Variants in MYO5B observed in about 807,000 individuals in gnomAD.
The protein encoded by MYO5B is myosin VB, also known as unconventional myosin-Vb.
In MYO5B, 143 loss-of-function variants were observed where a neutral mutation model predicts 229.3. The observed-to-expected ratio is 0.62, with a 90% CI of 0.54 to 0.72. MYO5B has a LOEUF of 0.72. Ranked by LOEUF, MYO5B falls within the 30% of genes least tolerant of loss-of-function variation. MYO5B has a pLI of 0.00. For synonymous variants in MYO5B, 918 were observed against 885.2 expected (o/e 1.04, Z -0.66); for missense variants, 2,321 against 2,331.0 (o/e 1.00, Z 0.09).
At chr18:50,009,596 G>A (rs1330979252) in intron 4 of MYO5B, among the ~76,000 whole-genome samples, 1 of 152,114 alleles carries the variant, frequency 6.6e-6, no homozygotes, top group Non-Finnish European at 1.5e-5. Context: ...AGTAAGGTTG[G>A]GGAGCAGAGG....
At chr18:50,049,984 C>T (rs2030348584) in intron 2 of MYO5B, among the ~76,000 whole-genome samples, 1 of 152,090 alleles carries the variant, frequency 6.6e-6, no homozygotes, top group African/African-American at 2.4e-5. Context: ...TATTTTACCA[C>T]AATTTTTTTT....
rs1284742961 is a variant in MYO5B at position 49,953,305 on chromosome 18, T to G, written c.1707A>C (p.Arg569Ser). Residue 569 changes from arginine to serine, a missense_variant, in exon 14 of 40, where the codon AGA (arginine) becomes AGC (serine). Around this residue, in one of 2 missense-constraint regions of MYO5B, gnomAD observed 2,113 missense variants for 2,044.7 expected, o/e 1.03. Coordinates refer to ENST00000285039, the MANE Select transcript of MYO5B (RefSeq NM_001080467.3). ...TGATCTGCTCTTCATACACCGTGTC[T>G]CTGTTTTTCTCCAGAAAACCATCAG... is the stretch of plus-strand genomic sequence containing the variant. ...YLSDGFLEKN[R>S]DTVYEEQINI... 6.2e-7 allele frequency: 1 copy of G among 1,614,024 alleles called. No homozygotes were observed. The highest frequency in any genetic ancestry group is 8.5e-7 in the Non-Finnish European group (1 of 1,180,016).
At chr18:49,933,410 C>A (rs910871518) in intron 16 of MYO5B, among the ~76,000 whole-genome samples, 2 of 152,220 alleles carry the variant, frequency 1.3e-5, no homozygotes, top group Admixed American at 1.3e-4. Context: ...GGGGACATGT[C>A]TTATTGTCAT....
At chr18:50,078,159 A>G (rs112159384) in intron 1 of MYO5B, among the ~76,000 whole-genome samples, 1,539 of 152,318 alleles carry the variant, frequency 0.01, 28 homozygotes, top group African/African-American at 0.034. Flanking sequence ...AAACTCAAAG[A>G]TCTGGTTTCT....
chr18:50,059,097 C>T (rs1006720357), intron 1 of MYO5B, among the ~76,000 whole-genome samples: 1 of 152,200 alleles, frequency 6.6e-6, no homozygotes, highest in Non-Finnish European at 1.5e-5. Flanking sequence ...CACCTCATTA[C>T]AGCAAGATCT....
At position 50,114,929 on chromosome 18, in the gene MYO5B, T is replaced by C. The variant is rs193246035; in HGVS notation, c.28-59551A>G. Among the ~76,000 whole-genome samples, 5 of 152,328 alleles carry C rather than the reference T, an allele frequency of 3.3e-5. No individual in the cohort carries two copies. The East Asian group carries it at 9.7e-4, about 29-fold the overall frequency. On this transcript the variant is annotated intron_variant, in intron 1 of 39. Transcript: ENST00000285039. Reference sequence around the variant, plus strand: ...AAGTTGGGTGAAGCCACATGGCAACTTGCCTCCTGCTTTCACACCCAGGAA... The same window carrying C: ...AAGTTGGGTGAAGCCACATGGCAACCTGCCTCCTGCTTTCACACCCAGGAA...
Position 49,963,047 on chromosome 18 carries a change from GAAGAT to G in MYO5B, c.1323-22_1323-18del, listed in dbSNP as rs775797820. On this transcript the variant is annotated intron_variant, in intron 10 of 39. Coordinates refer to ENST00000285039, the MANE Select transcript of MYO5B (RefSeq NM_001080467.3). The stretch of plus-strand genomic sequence containing the variant: ...GTCTCAAACCTACAGAATGGAAAGA[GAAGAT>G]AAGAGACGTCTCCTTTCAACAAAGG... 3 of 1,604,666 alleles carry G rather than the reference GAAGAT, an allele frequency of 1.9e-6. No individual in the cohort carries two copies. Among genetic ancestry groups the G allele is most frequent in the South Asian group, 1.1e-5 (1 of 90,918 alleles).
intron 12 of MYO5B, among the ~76,000 whole-genome samples, chr18:49,960,653 G>T (rs2025548521): frequency 6.6e-6 from 1 of 152,138 alleles, no homozygotes; most frequent in African/African-American, 2.4e-5. Context: ...GTTACAAAAA[G>T]TCTCCACATT....
At chr18:50,134,540 G>A (rs149978380) in intron 1 of MYO5B, among the ~76,000 whole-genome samples, 2,152 of 150,148 alleles carry the variant, frequency 0.014, 23 homozygotes, top group Non-Finnish European at 0.023. Flanking sequence ...GGGCGATAGA[G>A]TGAGACTCCA....
intron 21 of MYO5B, among the ~76,000 whole-genome samples, chr18:49,895,390 C>A (rs867263677): frequency 6.1e-5 from 9 of 146,554 alleles, no homozygotes; most frequent in Admixed American, 4.1e-4. Flanking sequence ...AACAGCAACA[C>A]TGACATTCAA....
intron 2 of MYO5B, among the ~76,000 whole-genome samples, chr18:50,042,080 G>C (rs1440713671): frequency 2.0e-5 from 3 of 152,138 alleles, no homozygotes; most frequent in Non-Finnish European, 4.4e-5. Context: ...ACAAGGAAGA[G>C]GGCAGACAAA....
At chr18:49,945,289 G>A (rs932394627) in intron 14 of MYO5B, among the ~76,000 whole-genome samples, 2 of 152,046 alleles carry the variant, frequency 1.3e-5, no homozygotes, top group African/African-American at 4.8e-5. Flanking sequence ...ATTCCAGCTC[G>A]CTCTTCTTTC....
intron 1 of MYO5B, among the ~76,000 whole-genome samples, chr18:50,062,513 G>A (rs563646523): frequency 6.6e-6 from 1 of 152,340 alleles, no homozygotes; most frequent in South Asian, 2.1e-4. Context: ...GAAGGATACT[G>A]CTGTGTTGTA....
At chr18:49,855,711 C>A (rs2024254425) in intron 30 of MYO5B, among the ~76,000 whole-genome samples, 1 of 152,260 alleles carries the variant, frequency 6.6e-6, no homozygotes, top group African/African-American at 2.4e-5. Context: ...CACCATGTCA[C>A]CTTGCTCACA....
intron 1 of MYO5B, among the ~76,000 whole-genome samples, chr18:50,176,894 G>A (rs751355751): frequency 2.0e-5 from 3 of 152,132 alleles, no homozygotes; most frequent in Non-Finnish European, 2.9e-5. Flanking sequence ...AAAGTTTCCA[G>A]CACAAGTTTC....
At chr18:50,088,653 C>G (rs1247825481) in intron 1 of MYO5B, among the ~76,000 whole-genome samples, 3 of 152,214 alleles carry the variant, frequency 2.0e-5, no homozygotes, top group Non-Finnish European at 4.4e-5. Context: ...TATCAATTTT[C>G]ACTAATTGTC....
In MYO5B at chr18:49,937,291, G is replaced by A. The variant is rs781455598; in HGVS notation, c.1859C>T (p.Pro620Leu). Residue 620 changes from proline (P) to leucine (L), a missense_variant, in exon 15 of 40, where the codon CCC becomes CTC. Around this residue, in one of 2 missense-constraint regions of MYO5B, gnomAD observed 2,113 missense variants for 2,044.7 expected, o/e 1.03. Coordinates refer to ENST00000285039, the MANE Select transcript of MYO5B (RefSeq NM_001080467.3). ...GTGCTCCTTGTTGGAGACTTTCATG[G>A]GGGGTCTGGCAGAACGGACGCTGAT... is the stretch of plus-strand genomic sequence containing the variant. ...SKISVRSARP[P>L]MKVSNKEHKK... The A allele has an allele frequency of 6.2e-7, 1 of 1,614,024 alleles. No homozygotes were observed. Among genetic ancestry groups the A allele is most frequent in the African/African-American group, 1.3e-5 (1 of 74,906 alleles).
At chr18:49,935,090 G>T (rs1204962641) in intron 16 of MYO5B, among the ~76,000 whole-genome samples, 1 of 152,082 alleles carries the variant, frequency 6.6e-6, no homozygotes, top group East Asian at 1.9e-4. Flanking sequence ...AGTATTTCAG[G>T]CAAGAAAAGA....
At chr18:50,158,211 G>A (rs2032711912) in intron 1 of MYO5B, among the ~76,000 whole-genome samples, 1 of 152,192 alleles carries the variant, frequency 6.6e-6, no homozygotes, top group Admixed American at 6.5e-5. Flanking sequence ...GGGGCCACAT[G>A]TCTAAAGCAG....
Sources: allele counts gnomAD v4.1 joint callset (sites outside exome capture counted in the v4.1 genomes callset), GRCh38; gene constraint gnomAD v4.1.1; regional missense constraint gnomAD v4.1.1; transcripts MANE v1.5; gene names NCBI Gene and HGNC (gene_info 2026-07-23, HGNC 2026-07-21).